The following PRKACB variants were observed in gnomAD, a reference collection of about 807,000 sequenced individuals.
PRKACB encodes the protein cAMP-dependent protein kinase catalytic subunit beta.
Under a neutral mutation model 51.4 loss-of-function variants are expected in PRKACB, and 16 were observed. The observed-to-expected ratio is 0.31, with a 90% CI of 0.21 to 0.47. The LOEUF (loss-of-function observed/expected upper bound fraction) is 0.47, where lower values mean the gene tolerates loss of function less well. Ranked by LOEUF, PRKACB falls within the 20% of genes least tolerant of loss-of-function variation. PRKACB has a pLI of 1.00. For missense variants in PRKACB, 309 were observed against 464.5 expected (o/e 0.67, Z 3.08); for synonymous variants, 147 against 154.4 (o/e 0.95, Z 0.35).
intron 7 of PRKACB, 21 bp downstream of exon 7, chr1:84,197,845 C>A (rs756637617): frequency 6.6e-7 from 1 of 1,522,086 alleles, no homozygotes; most frequent in Non-Finnish European, 9.1e-7. Context: ...AATATCAACA[C>A]ATAAGAAGTA....
At chr1:84,152,146 T>C (rs2100647116) in intron 1 of PRKACB, among the ~76,000 whole-genome samples, 1 of 152,336 alleles carries the variant, frequency 6.6e-6, no homozygotes, top group African/African-American at 2.4e-5. Context: ...GGTGATCAGG[T>C]GCATTGTCAA....
rs527313319 is a variant in PRKACB, at chr1:84,208,286, A to G, written c.906+5481A>G. ...AGTTATTTCTAAAACTCAAATGTAC[A>G]AGACTTTATAATCAGTGCTGAAAGC... On this transcript the variant is annotated intron_variant, in intron 8 of 9. Transcript: ENST00000370685. Among the ~76,000 whole-genome samples the G allele has an allele frequency of 3.3e-5, 5 of 152,348 alleles. No homozygotes were observed. In the East Asian group the frequency reaches 7.7e-4, roughly 23 times the overall value.
intron 5 of PRKACB, among the ~76,000 whole-genome samples, chr1:84,193,222 G>A (rs1667298529): frequency 6.6e-6 from 1 of 152,024 alleles, no homozygotes. Flanking sequence ...TAAGAGTTTA[G>A]TCCAAAAGAG....
chr1:84,126,158 G>A (rs1209522991), intron 1 of PRKACB, among the ~76,000 whole-genome samples: 1 of 152,138 alleles, frequency 6.6e-6, no homozygotes, highest in Admixed American at 6.5e-5. Context: ...ATTTAGCTTT[G>A]CCATCCACAG....
At chr1:84,102,248 G>A (rs376078544) in intron 1 of PRKACB, among the ~76,000 whole-genome samples, 10 of 151,942 alleles carry the variant, frequency 6.6e-5, no homozygotes, top group South Asian at 2.1e-4. Flanking sequence ...TTAGCTGGGC[G>A]TGGTGTTGGG....
intron 9 of PRKACB, among the ~76,000 whole-genome samples, chr1:84,228,443 ACAGT>A (rs1675007081): frequency 6.6e-6 from 1 of 152,246 alleles, no homozygotes; most frequent in East Asian, 1.9e-4. Flanking sequence ...TTCCTTCCTC[ACAGT>A]GTTGTACTGA....
chr1:84,143,842 T>G (rs1653684213), upstream of PRKACB, among the ~76,000 whole-genome samples: 1 of 152,050 alleles, frequency 6.6e-6, no homozygotes, highest in South Asian at 2.1e-4. Flanking sequence ...TGCAAGAGTT[T>G]TTTCATACCC....
intron 1 of PRKACB, among the ~76,000 whole-genome samples, chr1:84,166,574 TCTGA>T (rs1657547776): frequency 6.6e-6 from 1 of 151,894 alleles, no homozygotes; most frequent in East Asian, 1.9e-4. Flanking sequence ...AACTAGGTGT[TCTGA>T]CTTTGTCGAG....
chr1:84,157,143 T>G (rs1655600037), intron 1 of PRKACB, among the ~76,000 whole-genome samples: 1 of 152,180 alleles, frequency 6.6e-6, no homozygotes, highest in East Asian at 1.9e-4. Context: ...TCAGAATTCC[T>G]GTTTCATTTT....
At chr1:84,164,724 A>C (rs1356541998) in intron 1 of PRKACB, 2 of 1,379,896 alleles carry the variant, frequency 1.4e-6, no homozygotes, top group Non-Finnish European at 1.9e-6. Flanking sequence ...TGGTATATGA[A>C]GGAGGCTGGG....
intron 7 of PRKACB, among the ~76,000 whole-genome samples, chr1:84,198,961 A>G (rs1669047000): frequency 2.0e-5 from 3 of 147,072 alleles, no homozygotes; most frequent in African/African-American, 5.1e-5. Context: ...ATATATTCAT[A>G]TATATGTGTA....
At chr1:84,133,749 T>G (rs772699224) in intron 1 of PRKACB, among the ~76,000 whole-genome samples, 7 of 152,226 alleles carry the variant, frequency 4.6e-5, no homozygotes, top group Non-Finnish European at 7.3e-5. Flanking sequence ...CCAAACTCCA[T>G]GCGGGCCATG....
Position 84,175,027 on chromosome 1 carries a change from C to T in PRKACB, c.188-4150C>T, listed in dbSNP as rs1034680636. ...ATCATTTTCTAATTTATTTTTTGGA[C>T]ACAAGCTTGCTCCTCTTCAGAAATA... On this transcript the variant is annotated intron_variant, in intron 1 of 9. Transcript: ENST00000370685. 6 of 1,472,048 alleles carry T rather than the reference C, an allele frequency of 4.1e-6. No homozygotes were observed. The African/African-American group carries it at 8.8e-5, about 22-fold the overall frequency. 91.2% of individuals were successfully genotyped at this position (1,472,048 alleles called of 1,614,324 possible).
intron 1 of PRKACB, among the ~76,000 whole-genome samples, chr1:84,105,044 AAAAT>A (rs1649624123): frequency 6.6e-6 from 1 of 152,208 alleles, no homozygotes. Flanking sequence ...CAAAACAAAA[AAAAT>A]CGTTTTCTTA....
rs182895677 is a variant in PRKACB at position 84,097,998 on chromosome 1, G to A, written c.46+19627G>A. Among the ~76,000 whole-genome samples the A allele has an allele frequency of 4.0e-3, 607 of 152,120 alleles. 2 individuals carry two copies. Among genetic ancestry groups the A allele is most frequent in the Middle Eastern group, 0.014 (4 of 294 alleles). ...TTACCAGCTATCTGGGCATCCCTTA[G>A]TCTAGTCAAGTTGACACATAAAATT... is the stretch of plus-strand genomic sequence containing the variant. On this transcript the variant is annotated intron_variant, in intron 1 of 8. Coordinates refer to the PRKACB transcript ENST00000370688.
chr1:84,235,080 CA>C, intron 9 of PRKACB, 99 bp from the exon 10 acceptor site: 1 of 1,290,950 alleles, frequency 7.7e-7, no homozygotes, highest in Non-Finnish European at 1.1e-6. Context: ...CTAAGGATTT[CA>C]CCGTGTAATA....
At chr1:84,144,693 C>A (rs1187014820) in intron 1 of PRKACB, 145 bp downstream of exon 1, 2 of 855,342 alleles carry the variant, frequency 2.3e-6, no homozygotes, top group African/African-American at 1.8e-5. Flanking sequence ...TGAAAGAATT[C>A]CATAAAAACT....
chr1:84,152,293 T>C (rs1654944452), intron 1 of PRKACB, among the ~76,000 whole-genome samples: 2 of 152,174 alleles, frequency 1.3e-5, no homozygotes, highest in Admixed American at 6.5e-5. Context: ...GTAGAGTAGA[T>C]TTAGCATAGT....
At chr1:84,206,327 G>C (rs546873930) in intron 8 of PRKACB, among the ~76,000 whole-genome samples, 130 of 152,180 alleles carry the variant, frequency 8.5e-4, no homozygotes, top group African/African-American at 2.9e-3. Context: ...TTACATGAAG[G>C]GTAATTGATT....
Sources: gnomAD v4.1 joint callset for allele counts (sites outside exome capture counted in the v4.1 genomes callset) on GRCh38, gnomAD v4.1.1 for gene constraint, MANE v1.5 for transcripts, NCBI Gene and HGNC (gene_info 2026-07-23, HGNC 2026-07-21) for gene names.